TNFRSF10B: variants seen among roughly 807,000 people sequenced by gnomAD.
TNFRSF10B encodes the protein tumor necrosis factor receptor superfamily member 10B.
In TNFRSF10B, 35 loss-of-function variants were observed where a neutral mutation model predicts 41.4. The observed-to-expected ratio is 0.85, with a 90% CI of 0.65 to 1.12. The LOEUF is 1.12. TNFRSF10B is among the 50% of genes most tolerant of loss of function. The pLI is 0.00. For missense variants in TNFRSF10B, 584 were observed against 552.7 expected, an observed-to-expected ratio of 1.06 and a Z score of -0.57; for synonymous variants, 230 against 215.5, an observed-to-expected ratio of 1.07 and a Z score of -0.59.
intron 1 of TNFRSF10B, among the ~76,000 whole-genome samples, chr8:23,056,541 C>G (rs12544466): frequency 6.6e-6 from 1 of 151,826 alleles, no homozygotes. Flanking sequence ...ATCCCAGCTA[C>G]TCAGGAGGCT....
intron 1 of TNFRSF10B, among the ~76,000 whole-genome samples, chr8:23,052,308 C>T (rs1212435722): frequency 1.0e-4 from 9 of 87,846 alleles, no homozygotes; most frequent in Admixed American, 9.9e-4. Flanking sequence ...TTTTTTGAGA[C>T]AGAGTCTTGC....
Position 23,020,905 on chromosome 8 carries a change from A to G in TNFRSF10B, c.*1766T>C. On this transcript the variant is annotated 3_prime_UTR_variant, in exon 9 of 9. Transcript: ENST00000276431. ...GTGCCTTCCAGAAGTGCAGGGGACA[A>G]CGCGTGGGATGCCAGATGGAAGTGG... 1 of 454,086 alleles carries G rather than the reference A, an allele frequency of 2.2e-6. No individual in the cohort carries two copies. Among genetic ancestry groups the G allele is most frequent in the Non-Finnish European group, 4.4e-6 (1 of 226,782 alleles). 28.1% of individuals were successfully genotyped at this position (454,086 alleles called of 1,614,324 possible). A position where few individuals can be genotyped will look rare whatever the true frequency, so the allele number is the denominator to read the frequency against.
In TNFRSF10B at chr8:23,022,531, G is replaced by C; in HGVS notation, c.*140C>G. On this transcript the variant is annotated 3_prime_UTR_variant, in exon 9 of 9. Transcript: ENST00000276431. ...AAGTTACAGGATGTTCCATCCACTG[G>C]GTGATGTTGGATGGGAGAGTTTCTT... 1 of 857,074 alleles carries C rather than the reference G, an allele frequency of 1.2e-6. No homozygotes were observed. Among genetic ancestry groups the C allele is most frequent in the Non-Finnish European group, 1.9e-6 (1 of 521,858 alleles). 53.1% of individuals were successfully genotyped at this position (857,074 alleles called of 1,614,324 possible).
intron 7 of TNFRSF10B, among the ~76,000 whole-genome samples, chr8:23,026,588 A>G (rs1380500843): frequency 6.6e-6 from 1 of 152,262 alleles, no homozygotes; most frequent in Non-Finnish European, 1.5e-5. Flanking sequence ...GCTTACGAGC[A>G]ATGAACAATA....
chr8:23,021,052 G>A lies in TNFRSF10B; in HGVS notation c.*1619C>T, dbSNP rs552782285. On this transcript the variant is annotated 3_prime_UTR_variant, in exon 9 of 9. Coordinates refer to ENST00000276431, the MANE Select transcript of TNFRSF10B (RefSeq NM_003842.5). ...CTTTGTCCCACCCAAACCAGTCCCGGAACAAAACACACAATGCCTTGAGAC... is the reference window on the plus strand; with the variant it reads ...CTTTGTCCCACCCAAACCAGTCCCGAAACAAAACACACAATGCCTTGAGAC... 2.2e-6 allele frequency: 1 copy of A among 454,070 alleles called. No individual in the cohort carries two copies. The highest frequency in any genetic ancestry group is 4.4e-6 in the Non-Finnish European group (1 of 226,792). The allele number at this position is 454,070 out of a possible 1,614,324, so 28.1% of individuals were successfully genotyped here.
intron 1 of TNFRSF10B, among the ~76,000 whole-genome samples, chr8:23,044,028 T>C (rs916949761): frequency 2.0e-5 from 3 of 152,236 alleles, no homozygotes; most frequent in Non-Finnish European, 4.4e-5. Context: ...TGACTGTATA[T>C]GATCAAGTAA....
At chr8:23,043,433 C>T (rs1305061880) in intron 1 of TNFRSF10B, among the ~76,000 whole-genome samples, 190 bp from the exon 2 acceptor site, 7 of 152,222 alleles carry the variant, frequency 4.6e-5, no homozygotes, top group African/African-American at 1.7e-4. Context: ...AAGTAACATA[C>T]ACCTGCAAAA....
chr8:23,045,337 G>A (rs1419897363), intron 1 of TNFRSF10B, among the ~76,000 whole-genome samples: 1 of 152,072 alleles, frequency 6.6e-6, no homozygotes, highest in South Asian at 2.1e-4. Flanking sequence ...CCACCCGGAA[G>A]AAATGGATAA....
chr8:23,024,736 T>C (rs1811649138), intron 7 of TNFRSF10B, among the ~76,000 whole-genome samples: 1 of 152,124 alleles, frequency 6.6e-6, no homozygotes, highest in Non-Finnish European at 1.5e-5. Flanking sequence ...TTTCACCATG[T>C]TGGCCAGGCT....
At chr8:23,041,447 G>A (rs10093948) in intron 2 of TNFRSF10B, among the ~76,000 whole-genome samples, 14,433 of 152,000 alleles carry the variant, frequency 0.095, 758 homozygotes, top group South Asian at 0.13. Context: ...TGAGAGGATC[G>A]CTTGAGCCCA....
chr8:23,020,940 G>A lies in TNFRSF10B; in HGVS notation c.*1731C>T. 1 of 454,080 alleles carries A rather than the reference G, an allele frequency of 2.2e-6. No homozygotes were observed. Among genetic ancestry groups the A allele is most frequent in the Non-Finnish European group, 4.4e-6 (1 of 226,784 alleles). 28.1% of individuals were successfully genotyped at this position (454,080 alleles called of 1,614,324 possible). ...TGCCAGATGGAAGTGGGAGAGGATG[G>A]AAGTGCAAAGACCAGAAAGGTCACC... On this transcript the variant is annotated 3_prime_UTR_variant, in exon 9 of 9. Transcript: ENST00000276431.
intron 1 of TNFRSF10B, among the ~76,000 whole-genome samples, chr8:23,050,898 A>AC (rs534284147): frequency 2.0e-4 from 31 of 152,298 alleles, no homozygotes; most frequent in African/African-American, 6.7e-4. Context: ...ACATGGTGAA[A>AC]CCCCATCTCT....
intron 7 of TNFRSF10B, among the ~76,000 whole-genome samples, chr8:23,024,744 G>A (rs1196204979): frequency 3.3e-5 from 5 of 152,054 alleles, no homozygotes; most frequent in African/African-American, 1.2e-4. Flanking sequence ...TGTTGGCCAG[G>A]CTAGTCTCAA....
intron 3 of TNFRSF10B, among the ~76,000 whole-genome samples, chr8:23,030,024 G>C (rs1293664800): frequency 4.6e-5 from 7 of 152,158 alleles, no homozygotes; most frequent in African/African-American, 1.7e-4. Context: ...AAGTGCAAGG[G>C]ATCACCTGAG....
rs1411255940 is a variant in TNFRSF10B at position 23,064,236 on chromosome 8, T to A, written c.144+4515A>T. Among the ~76,000 whole-genome samples, 4 of 152,178 alleles carry A rather than the reference T, an allele frequency of 2.6e-5. No homozygotes were observed. The East Asian group carries it at 7.7e-4, about 29-fold the overall frequency. The stretch of plus-strand genomic sequence containing the variant: ...ACAGTAGTGGACATAGAGGAAAGAG[T>A]GCACACAGACAGAATCCCAGACAGA... On this transcript the variant is annotated intron_variant, in intron 1 of 8. Coordinates refer to ENST00000276431, the MANE Select transcript of TNFRSF10B (RefSeq NM_003842.5).
intron 3 of TNFRSF10B, 49 bp from the exon 4 acceptor site, chr8:23,029,770 C>A (rs1811825441): frequency 1.3e-6 from 2 of 1,560,044 alleles, no homozygotes; most frequent in Non-Finnish European, 1.7e-6. Flanking sequence ...TGATGTGTCC[C>A]TTGACCCTTC....
intron 1 of TNFRSF10B, among the ~76,000 whole-genome samples, chr8:23,066,725 G>A (rs545246867): frequency 4.6e-5 from 7 of 151,418 alleles, no homozygotes; most frequent in African/African-American, 1.7e-4. Flanking sequence ...GTGAAACCCC[G>A]TCTCTACTAA....
intron 1 of TNFRSF10B, among the ~76,000 whole-genome samples, chr8:23,047,152 G>C (rs1456462373): frequency 6.6e-6 from 1 of 152,104 alleles, no homozygotes; most frequent in Admixed American, 6.6e-5. Context: ...GAGGTCGGGA[G>C]TTCAAGACCA....
At chr8:23,032,456 G>C (rs1244883147) in intron 2 of TNFRSF10B, among the ~76,000 whole-genome samples, 1 of 152,244 alleles carries the variant, frequency 6.6e-6, no homozygotes, top group Non-Finnish European at 1.5e-5. Flanking sequence ...AAATTGGAAA[G>C]TGTGAGTCCC....
Sources: gnomAD v4.1 joint callset for allele counts (sites outside exome capture counted in the v4.1 genomes callset) on GRCh38, gnomAD v4.1.1 for gene constraint, MANE v1.5 for transcripts, NCBI Gene and HGNC (gene_info 2026-07-23, HGNC 2026-07-21) for gene names.